The following SLC25A21 variants were observed in gnomAD, a reference collection of about 807,000 sequenced individuals.
SLC25A21 encodes mitochondrial 2-oxodicarboxylate carrier.
Under a neutral mutation model 43.8 loss-of-function variants are expected in SLC25A21, and 47 were observed. The observed-to-expected ratio is 1.07, with a 90% CI of 0.85 to 1.37. SLC25A21 has a LOEUF of 1.37. Ranked by LOEUF, SLC25A21 falls within the 40% of genes most tolerant of loss-of-function variation. The pLI, the probability that SLC25A21 is intolerant of heterozygous loss-of-function variation, is 0.00. For synonymous variants in SLC25A21, 131 were observed against 121.3 expected (o/e 1.08, Z -0.52); for missense variants, 352 against 350.2 (o/e 1.00, Z -0.04).
intron 3 of SLC25A21, among the ~76,000 whole-genome samples, chr14:36,737,495 G>T (rs1009244704): frequency 4.6e-5 from 7 of 152,050 alleles, no homozygotes; most frequent in African/African-American, 9.7e-5. Flanking sequence ...TTGAGAATGA[G>T]CAATTTTAAC....
At chr14:36,867,603 T>C (rs117613454) in intron 2 of SLC25A21, among the ~76,000 whole-genome samples, 10 of 152,192 alleles carry the variant, frequency 6.6e-5, no homozygotes, top group Non-Finnish European at 1.5e-4. Flanking sequence ...TGAGGAAGGA[T>C]TTGAATGTAG....
In SLC25A21 at chr14:37,172,417, T is replaced by C; in HGVS notation, c.-67A>G. 2.0e-6 allele frequency: 3 copies of C among 1,496,096 alleles called. No individual in the cohort carries two copies. Among genetic ancestry groups the C allele is most frequent in the South Asian group, 1.2e-5 (1 of 83,070 alleles). 92.7% of individuals were successfully genotyped at this position (1,496,096 alleles called of 1,614,324 possible). A position where few individuals can be genotyped will look rare whatever the true frequency, so the allele number is the denominator to read the frequency against. ...CAACGAGCTCGCAGCCTGCACAGCC[T>C]ACTGATCCAGAGAGCCCCGGCTGGG... On this transcript the variant is annotated 5_prime_UTR_variant, in exon 1 of 10. Coordinates refer to ENST00000331299, the MANE Select transcript of SLC25A21 (RefSeq NM_030631.4).
At chr14:36,760,734 T>C (rs962682364) in intron 3 of SLC25A21, among the ~76,000 whole-genome samples, 7 of 152,212 alleles carry the variant, frequency 4.6e-5, no homozygotes, top group Non-Finnish European at 2.9e-5. Flanking sequence ...CTCATGTCTG[T>C]ATTTACTGAT....
intron 1 of SLC25A21, among the ~76,000 whole-genome samples, chr14:36,938,285 C>A (rs1344930752): frequency 6.6e-6 from 1 of 152,174 alleles, no homozygotes; most frequent in African/African-American, 2.4e-5. Flanking sequence ...CCCCTAGGCA[C>A]AGAGTGGACT....
intron 2 of SLC25A21, among the ~76,000 whole-genome samples, chr14:36,869,036 TG>T (rs1400408754): frequency 2.6e-5 from 4 of 152,222 alleles, no homozygotes; most frequent in African/African-American, 7.2e-5. Flanking sequence ...CCCTTCAGCC[TG>T]GGGTGGTGGT....
intron 1 of SLC25A21, among the ~76,000 whole-genome samples, chr14:37,112,617 C>T (rs190920107): frequency 6.6e-6 from 1 of 152,134 alleles, no homozygotes; most frequent in Non-Finnish European, 1.5e-5. Flanking sequence ...AAGTTCCAGC[C>T]AATGACATAT....
chr14:36,892,708 C>G (rs1026013296), intron 1 of SLC25A21, among the ~76,000 whole-genome samples: 2 of 152,050 alleles, frequency 1.3e-5, no homozygotes, highest in Non-Finnish European at 2.9e-5. Flanking sequence ...CTCCCCCAAC[C>G]CCACAACTGG....
intron 3 of SLC25A21, among the ~76,000 whole-genome samples, chr14:36,813,519 C>G (rs1888345771): frequency 6.6e-6 from 1 of 151,978 alleles, no homozygotes; most frequent in African/African-American, 2.4e-5. Flanking sequence ...GTCACTGCTC[C>G]CAGCCTTGAT....
chr14:36,910,868 T>C (rs1268907615), intron 1 of SLC25A21, among the ~76,000 whole-genome samples: 1 of 152,198 alleles, frequency 6.6e-6, no homozygotes, highest in Non-Finnish European at 1.5e-5. Context: ...ATCAAAGATG[T>C]TTTTAGTTGT....
At chr14:36,898,197 C>T (rs1357869573) in intron 1 of SLC25A21, among the ~76,000 whole-genome samples, 13 of 152,290 alleles carry the variant, frequency 8.5e-5, no homozygotes, top group South Asian at 2.1e-4. Context: ...TCGAGCTTCC[C>T]GGCCTCTTTG....
At chr14:37,072,027 C>CA (rs1424483831) in intron 1 of SLC25A21, among the ~76,000 whole-genome samples, 2 of 151,614 alleles carry the variant, frequency 1.3e-5, no homozygotes, top group African/African-American at 4.9e-5. Flanking sequence ...ATTTAAAACA[C>CA]AAAAATTAGC....
rs1963515641 is a variant in SLC25A21, at chr14:37,138,229, G to A, written c.70+34052C>T. Among the ~76,000 whole-genome samples, 4 of 152,220 alleles carry A rather than the reference G, an allele frequency of 2.6e-5. No homozygotes were observed. In the South Asian group the frequency reaches 8.3e-4, roughly 32 times the overall value. On this transcript the variant is annotated intron_variant, in intron 1 of 9. Transcript: ENST00000331299. ...CCCATTTTCAGAAAACTGAGGCAAGGAGAAAGACAATAAAAGATACGAAGA... is the reference window on the plus strand; with the variant it reads ...CCCATTTTCAGAAAACTGAGGCAAGAAGAAAGACAATAAAAGATACGAAGA...
At chr14:36,919,359 C>T (rs1891914524) in intron 1 of SLC25A21, among the ~76,000 whole-genome samples, 1 of 151,950 alleles carries the variant, frequency 6.6e-6, no homozygotes, top group Admixed American at 6.6e-5. Context: ...AATTCCTGAG[C>T]TATCTTTAGG....
chr14:37,135,391 C>A (rs958129862), intron 1 of SLC25A21, among the ~76,000 whole-genome samples: 1 of 151,918 alleles, frequency 6.6e-6, no homozygotes, highest in African/African-American at 2.4e-5. Context: ...AGAGCAAGAT[C>A]CTATCTCTAA....
chr14:36,764,062 A>G (rs1028724020), intron 3 of SLC25A21, among the ~76,000 whole-genome samples: 5 of 48,908 alleles, frequency 1.0e-4, no homozygotes, highest in Non-Finnish European at 1.4e-4. Context: ...GAAAGAAAGA[A>G]AGAAAGAAAG....
In SLC25A21 at chr14:36,678,950, A is replaced by C. The variant is rs149325199; in HGVS notation, c.*1708T>G. ...AGGATGGATTAAAGGGTTAACTTTT[A>C]AAGATTATTATTGGTTAATGTTGAC... is the stretch of plus-strand genomic sequence containing the variant. On this transcript the variant is annotated 3_prime_UTR_variant, in exon 10 of 10. Transcript: ENST00000331299. 170 of 982,078 alleles carry C rather than the reference A, an allele frequency of 1.7e-4. 2 individuals carry two copies. The East Asian group carries it at 0.017, about 98-fold the overall frequency. The allele number at this position is 982,078 out of a possible 1,614,324, so 60.8% of individuals were successfully genotyped here. A position where few individuals can be genotyped will look rare whatever the true frequency, so the allele number is the denominator to read the frequency against.
At chr14:37,112,289 A>C (rs1220654208) in intron 1 of SLC25A21, among the ~76,000 whole-genome samples, 1 of 152,176 alleles carries the variant, frequency 6.6e-6, no homozygotes, top group Non-Finnish European at 1.5e-5. Context: ...CCACTGGAGA[A>C]CACTAGCTAT....
chr14:37,083,800 G>A (rs1355742708), intron 1 of SLC25A21, among the ~76,000 whole-genome samples: 4 of 152,112 alleles, frequency 2.6e-5, no homozygotes, highest in Admixed American at 6.5e-5. Flanking sequence ...TGACTCTTAC[G>A]CATGCTGAAG....
At chr14:36,796,604 G>A (rs1444744393) in intron 3 of SLC25A21, among the ~76,000 whole-genome samples, 2 of 152,054 alleles carry the variant, frequency 1.3e-5, no homozygotes, top group African/African-American at 4.8e-5. Flanking sequence ...CCAGGAAAGT[G>A]TGAATTAGCC....
Sources: allele counts gnomAD v4.1 joint callset (sites outside exome capture counted in the v4.1 genomes callset), GRCh38; gene constraint gnomAD v4.1.1; transcripts MANE v1.5; gene names NCBI Gene and HGNC (gene_info 2026-07-23, HGNC 2026-07-21).